Variants in COX6C observed in about 807,000 individuals in gnomAD.
The protein encoded by COX6C is cytochrome c oxidase subunit 6C, also known as cytochrome c oxidase polypeptide VIc.
Under a neutral mutation model 6.9 loss-of-function variants are expected in COX6C, and 3 were observed. That is an observed-to-expected ratio of 0.43 (90% CI 0.20 to 1.12). COX6C has a LOEUF of 1.12. Ranked by LOEUF, COX6C falls within the 50% of genes most tolerant of loss-of-function variation. The pLI is 0.27. For missense variants in COX6C, 101 were observed against 97.3 expected, an observed-to-expected ratio of 1.04 and a Z score of -0.16; for synonymous variants, 32 against 32.0, an observed-to-expected ratio of 1.00 and a Z score of 0.00.
In COX6C at chr8:99,892,037, T is replaced by C. The variant is rs941875817; in HGVS notation, c.-16A>G. ...CGGGAGCCATGGTAGTTACTGTCCT[T>C]GATACGTATGCTAACCTTAAGAGAT... On this transcript the variant is annotated 5_prime_UTR_variant, in exon 2 of 4. Transcript: ENST00000520468. 1.9e-6 allele frequency: 3 copies of C among 1,574,260 alleles called. No homozygotes were observed. In the African/African-American group the frequency reaches 4.1e-5, roughly 21 times the overall value.
chr8:99,888,149 T>C (rs1588828893), intron 2 of COX6C, among the ~76,000 whole-genome samples: 2 of 151,112 alleles, frequency 1.3e-5, no homozygotes, highest in East Asian at 3.9e-4. Context: ...ATAAAAAAGA[T>C]GGGGTCTCCC....
intron 2 of COX6C, among the ~76,000 whole-genome samples, chr8:99,891,341 A>G (rs1217190248): frequency 6.6e-6 from 1 of 152,170 alleles, no homozygotes; most frequent in South Asian, 2.1e-4. Flanking sequence ...CCTTGAGCCC[A>G]GGAGTTCAAG....
chr8:99,880,145 T>C (rs1817840191), intron 3 of COX6C, among the ~76,000 whole-genome samples: 1 of 152,216 alleles, frequency 6.6e-6, no homozygotes, highest in African/African-American at 2.4e-5. Flanking sequence ...AGTGAAGGCC[T>C]TTCCATGCAT....
intron 2 of COX6C, among the ~76,000 whole-genome samples, chr8:99,889,596 C>T (rs1040580098): frequency 3.3e-5 from 5 of 151,480 alleles, no homozygotes; most frequent in Non-Finnish European, 5.9e-5. Context: ...CCATGTAGGC[C>T]AGGCTGGTCT....
At chr8:99,888,978 T>C (rs1328008068) in intron 2 of COX6C, among the ~76,000 whole-genome samples, 1 of 152,218 alleles carries the variant, frequency 6.6e-6, no homozygotes, top group Non-Finnish European at 1.5e-5. Context: ...CCTCTTGCTT[T>C]GCTGAGAGTC....
intron 3 of COX6C, among the ~76,000 whole-genome samples, chr8:99,879,265 C>T (rs572966483): frequency 3.3e-5 from 5 of 152,278 alleles, no homozygotes; most frequent in African/African-American, 1.2e-4. Flanking sequence ...GTCCATGAGG[C>T]ATAAGGACCT....
In COX6C at chr8:99,877,939, TGAA is replaced by T. The variant is rs1563524995; in HGVS notation, c.*339_*341del. 1 of 152,182 alleles carries T rather than the reference TGAA, an allele frequency of 6.6e-6. No individual in the cohort carries two copies. Among genetic ancestry groups the T allele is most frequent in the Non-Finnish European group, 1.5e-5 (1 of 68,042 alleles). 9.4% of individuals were successfully genotyped at this position (152,182 alleles called of 1,614,324 possible). On this transcript the variant is annotated 3_prime_UTR_variant, in exon 4 of 4. Coordinates refer to ENST00000520468, the MANE Select transcript of COX6C (RefSeq NM_004374.4). ...ACAGTACAGTAGTCTTACAGGCTCATGAAGAACACTTTTTAATCCATAGCCCAA... is the reference window on the plus strand; with the variant it reads ...ACAGTACAGTAGTCTTACAGGCTCATGAACACTTTTTAATCCATAGCCCAA...
At chr8:99,887,087 C>T (rs1817953180) in intron 3 of COX6C, 1 of 153,054 alleles carries the variant, frequency 6.5e-6, no homozygotes, top group South Asian at 2.1e-4. Flanking sequence ...ACCTAACTTA[C>T]ATCATAGCTT....
At chr8:99,889,207 C>T (rs1817995041) in intron 2 of COX6C, among the ~76,000 whole-genome samples, 1 of 152,160 alleles carries the variant, frequency 6.6e-6, no homozygotes, top group South Asian at 2.1e-4. Flanking sequence ...ACTTTGTGTG[C>T]TTGTCTCTCC....
chr8:99,891,333 T>C (rs1297374187), intron 2 of COX6C, among the ~76,000 whole-genome samples: 5 of 152,128 alleles, frequency 3.3e-5, no homozygotes, highest in African/African-American at 1.2e-4. Context: ...GGTGAATCCC[T>C]TGAGCCCAGG....
At position 99,887,561 on chromosome 8, in the gene COX6C, C is replaced by T. The variant is rs1035874127; in HGVS notation, c.172G>A (p.Val58Ile). Reference protein sequence around the residue: ...AYADFYRNYDVMKDFEEMRKA... With the variant: ...AYADFYRNYDIMKDFEEMRKA... ...CTCATCTCCTCAAAATCTTTCATGA[C>T]ATCGTAGTTTCTGTAGAAATCTGCG... The change falls in exon 3 of 4, where the codon GTC becomes ATC. Residue 58 changes from valine (V) to isoleucine (I), a missense_variant. By Grantham distance (29) the Val-to-Ile change is conservative (BLOSUM62 3). Transcript: ENST00000520468. 5.1e-5 allele frequency: 82 copies of T among 1,611,248 alleles called. No individual in the cohort carries two copies. The highest frequency in any genetic ancestry group is 7.0e-5 in the Non-Finnish European group (82 of 1,179,224).
intron 1 of COX6C, chr8:99,893,011 A>C (rs1423012174): frequency 6.6e-6 from 1 of 152,142 alleles, no homozygotes; most frequent in Admixed American, 6.5e-5. Context: ...GCCCAGCCTC[A>C]CCTAAAGACC....
intron 3 of COX6C, among the ~76,000 whole-genome samples, chr8:99,884,448 A>G (rs1405321304): frequency 6.6e-6 from 1 of 152,248 alleles, no homozygotes; most frequent in Admixed American, 6.5e-5. Flanking sequence ...ACTGACCTAG[A>G]TGAAACAGAT....
chr8:99,888,694 G>A (rs1419260702), intron 2 of COX6C, among the ~76,000 whole-genome samples: 2 of 152,214 alleles, frequency 1.3e-5, no homozygotes, highest in Non-Finnish European at 2.9e-5. Flanking sequence ...ACAGCCAAGG[G>A]TCCTAGCAAA....
chr8:99,878,830 T>G (rs1004926575), intron 3 of COX6C: 6 of 152,220 alleles, frequency 3.9e-5, no homozygotes, highest in African/African-American at 1.4e-4. Flanking sequence ...TTCTTGATTT[T>G]TTTTCCTTAA....
chr8:99,882,908 C>A (rs1485993718), intron 3 of COX6C, among the ~76,000 whole-genome samples: 2 of 152,136 alleles, frequency 1.3e-5, no homozygotes, highest in African/African-American at 2.4e-5. Context: ...GGTAATCTTC[C>A]CAGGTAGCTG....
intron 2 of COX6C, among the ~76,000 whole-genome samples, chr8:99,890,397 T>C (rs996162624): frequency 1.3e-5 from 2 of 152,236 alleles, no homozygotes; most frequent in African/African-American, 4.8e-5. Context: ...TCTAATTTTT[T>C]TCACCTCCCC....
chr8:99,887,757 G>T, intron 2 of COX6C, 139 bp from the exon 3 acceptor site: 1 of 519,968 alleles, frequency 1.9e-6, no homozygotes, highest in Non-Finnish European at 3.2e-6. Flanking sequence ...AAGGGGTGGA[G>T]GTGGTGACAG....
chr8:99,884,051 G>A (rs1040770014), intron 3 of COX6C, among the ~76,000 whole-genome samples: 9 of 152,142 alleles, frequency 5.9e-5, no homozygotes, highest in East Asian at 1.9e-4. Flanking sequence ...CATGGAAAAC[G>A]TGAAAGCTTT....
Sources: allele counts gnomAD v4.1 joint callset (sites outside exome capture counted in the v4.1 genomes callset), GRCh38; gene constraint gnomAD v4.1.1; transcripts MANE v1.5; gene names NCBI Gene and HGNC (gene_info 2026-07-23, HGNC 2026-07-21).